BANK1: variants seen among roughly 807,000 people sequenced by gnomAD.
BANK1 encodes B cell scaffold protein with ankyrin repeats 1, also known as B-cell scaffold protein with ankyrin repeats.
A neutral mutation model predicts 94.5 loss-of-function variants in BANK1; 95 were observed. The observed-to-expected ratio is 1.00, with a 90% CI of 0.85 to 1.19. The LOEUF is 1.19. Ranked by LOEUF, BANK1 falls within the 50% of genes most tolerant of loss-of-function variation. The pLI is 0.00. For synonymous variants in BANK1, 334 were observed against 308.4 expected, an observed-to-expected ratio of 1.08 and a Z score of -0.87; for missense variants, 987 against 932.2, an observed-to-expected ratio of 1.06 and a Z score of -0.77.
At chr4:101,908,848 C>A (rs953415055) in intron 6 of BANK1, among the ~76,000 whole-genome samples, 67 of 152,280 alleles carry the variant, frequency 4.4e-4, no homozygotes, top group African/African-American at 1.6e-3. Context: ...AAATCAAAAC[C>A]ACAATAAGAT....
At chr4:101,880,433 G>A (rs1451830896) in intron 5 of BANK1, among the ~76,000 whole-genome samples, 1 of 151,600 alleles carries the variant, frequency 6.6e-6, no homozygotes, top group Non-Finnish European at 1.5e-5. Flanking sequence ...AAAATGAAGA[G>A]ATGAAAAAAT....
rs909859997 is a variant in BANK1 at position 102,033,564 on chromosome 4, A to G, written c.1900+3299A>G. Among the ~76,000 whole-genome samples the G allele has an allele frequency of 3.3e-5, 5 of 152,234 alleles. No individual in the cohort carries two copies. In the South Asian group the frequency reaches 6.2e-4, roughly 19 times the overall value. On this transcript the variant is annotated intron_variant, in intron 10 of 16. Coordinates refer to ENST00000322953, the MANE Select transcript of BANK1 (RefSeq NM_017935.5). ...CAATGTTGCAATTTGTCCTGTAGGT[A>G]TATGCACACGTAGAAACATTAAAGA...
Position 101,808,825 on chromosome 4 carries a change from T to A in BANK1, c.70+17875T>A, listed in dbSNP as rs192929490. On this transcript the variant is annotated intron_variant, in intron 1 of 16. Transcript: ENST00000322953. ...AGATACCACCTTATTCCTTCAAGAA[T>A]GGCCATAATTAAAAAGTTAAAAAAA... Among the ~76,000 whole-genome samples the A allele has an allele frequency of 4.1e-3, 628 of 152,248 alleles. 5 individuals carry two copies. The highest frequency in any genetic ancestry group is 0.015 in the African/African-American group (608 of 41,548).
intron 6 of BANK1, among the ~76,000 whole-genome samples, chr4:101,911,125 G>A (rs929905327): frequency 2.7e-4 from 41 of 152,202 alleles, no homozygotes; most frequent in Non-Finnish European, 4.3e-4. Context: ...ACTTTGCCCA[G>A]ATGGTAAGTG....
At chr4:101,978,918 G>C (rs1056500085) in intron 7 of BANK1, among the ~76,000 whole-genome samples, 36 of 151,920 alleles carry the variant, frequency 2.4e-4, no homozygotes, top group African/African-American at 8.5e-4. Context: ...ATCCTTTAAG[G>C]TTTAGCTTTC....
At chr4:102,022,382 A>G (rs575125952) in intron 8 of BANK1, among the ~76,000 whole-genome samples, 2 of 152,214 alleles carry the variant, frequency 1.3e-5, no homozygotes, top group Admixed American at 6.5e-5. Context: ...CCCATATGCA[A>G]TCAGTCTTAC....
intron 6 of BANK1, among the ~76,000 whole-genome samples, chr4:101,901,617 C>CA (rs36082215): frequency 6.6e-6 from 1 of 151,152 alleles, no homozygotes; most frequent in South Asian, 2.1e-4. Context: ...GCAGATGCAT[C>CA]AAAAAAAAGT....
intron 5 of BANK1, among the ~76,000 whole-genome samples, chr4:101,883,528 C>T (rs543906020): frequency 6.6e-6 from 1 of 152,274 alleles, no homozygotes; most frequent in Admixed American, 6.5e-5. Context: ...CACTCAGTGG[C>T]AATGAATACT....
chr4:101,988,890 C>A (rs1725603470), intron 7 of BANK1, among the ~76,000 whole-genome samples: 1 of 152,148 alleles, frequency 6.6e-6, no homozygotes, highest in African/African-American at 2.4e-5. Flanking sequence ...ACATTTCAGA[C>A]TTACAGAAAG....
intron 2 of BANK1, among the ~76,000 whole-genome samples, chr4:101,852,575 ATGTACAG>A (rs1727530494): frequency 6.7e-6 from 1 of 148,758 alleles, no homozygotes; most frequent in South Asian, 2.1e-4. Flanking sequence ...AGCTCTGTAT[ATGTACAG>A]TTTTTATTTT....
At chr4:102,071,797 TAAG>T (rs1728771878) in intron 14 of BANK1, among the ~76,000 whole-genome samples, 1 of 152,068 alleles carries the variant, frequency 6.6e-6, no homozygotes, top group African/African-American at 2.4e-5. Context: ...GATGGGATAG[TAAG>T]GAGGAGCTAG....
intron 7 of BANK1, among the ~76,000 whole-genome samples, chr4:101,996,339 A>T (rs1390475975): frequency 6.6e-6 from 1 of 152,090 alleles, no homozygotes; most frequent in African/African-American, 2.4e-5. Context: ...GCCTTGTAGT[A>T]TAGTTTGAAT....
intron 7 of BANK1, among the ~76,000 whole-genome samples, chr4:102,020,415 T>G (rs1384116654): frequency 6.6e-6 from 1 of 152,072 alleles, no homozygotes; most frequent in African/African-American, 2.4e-5. Flanking sequence ...ATAATTGAAA[T>G]ATAAAATGAG....
At chr4:101,793,034 A>G (rs887733012) in intron 1 of BANK1, among the ~76,000 whole-genome samples, 9 of 152,184 alleles carry the variant, frequency 5.9e-5, no homozygotes, top group Non-Finnish European at 1.2e-4. Context: ...GGGAGTGATT[A>G]TTTATTAAAT....
intron 1 of BANK1, among the ~76,000 whole-genome samples, chr4:101,827,837 A>C (rs1333105786): frequency 1.3e-5 from 2 of 151,856 alleles, no homozygotes. Context: ...AGTTTTTTCA[A>C]AGTTTCTTTT....
chr4:102,015,694 T>G (rs911820817), intron 7 of BANK1, among the ~76,000 whole-genome samples: 2 of 152,146 alleles, frequency 1.3e-5, no homozygotes, highest in Non-Finnish European at 2.9e-5. Context: ...GTTTGACCCC[T>G]TTCCTCCAGC....
At chr4:101,848,651 A>G (rs12506564) in intron 2 of BANK1, among the ~76,000 whole-genome samples, 52,092 of 152,178 alleles carry the variant, frequency 0.34, 9,915 homozygotes, top group East Asian at 0.44. Context: ...AGTGAAGAGT[A>G]ATATTATTTT....
intron 5 of BANK1, among the ~76,000 whole-genome samples, chr4:101,872,948 A>G (rs1429663173): frequency 6.6e-6 from 1 of 151,868 alleles, no homozygotes. Flanking sequence ...AAATCACGCC[A>G]CAGCACTCCA....
chr4:101,988,046 T>C (rs1174091014), intron 7 of BANK1, among the ~76,000 whole-genome samples: 1 of 152,126 alleles, frequency 6.6e-6, no homozygotes, highest in African/African-American at 2.4e-5. Context: ...CAGTGACACA[T>C]TGAGTGAGCA....
Sources: gnomAD v4.1 joint callset for allele counts (sites outside exome capture counted in the v4.1 genomes callset) on GRCh38, gnomAD v4.1.1 for gene constraint, MANE v1.5 for transcripts, NCBI Gene and HGNC (gene_info 2026-07-23, HGNC 2026-07-21) for gene names.